The following CTNNA2 variants were observed in gnomAD, a reference collection of about 807,000 sequenced individuals.
CTNNA2 encodes the protein catenin alpha 2.
CTNNA2 carries 42 observed loss-of-function variants against 101.0 expected under a neutral mutation model. The observed-to-expected ratio is 0.42, with a 90% confidence interval of 0.32 to 0.54. The LOEUF is 0.54. Ranked by LOEUF, CTNNA2 falls within the 20% of genes least tolerant of loss-of-function variation. The probability of loss-of-function intolerance (pLI) is 0.14; values close to 1 mark genes in which losing one functional copy is unlikely to be tolerated. For synonymous variants in CTNNA2, 450 were observed against 456.4 expected, an observed-to-expected ratio of 0.99 and a Z score of 0.18; for missense variants, 871 against 1,223.1, an observed-to-expected ratio of 0.71 and a Z score of 4.29.
At chr2:80,004,672 CATTTATTTATTTATTT>C (rs59472149) in intron 7 of CTNNA2, among the ~76,000 whole-genome samples, 79 of 145,662 alleles carry the variant, frequency 5.4e-4, no homozygotes, top group African/African-American at 1.8e-3. Context: ...TTTTATTTTA[CATTTATTTATTTATTT>C]ATTTATTTAT....
chr2:79,991,190 G>A (rs754265052), intron 7 of CTNNA2, among the ~76,000 whole-genome samples: 7 of 151,688 alleles, frequency 4.6e-5, no homozygotes, highest in Admixed American at 1.3e-4. Flanking sequence ...TCTTGCTAGC[G>A]GTCTATAAAT....
intron 2 of CTNNA2, among the ~76,000 whole-genome samples, chr2:79,719,707 T>C (rs1686351477): frequency 6.6e-6 from 1 of 152,214 alleles, no homozygotes; most frequent in Non-Finnish European, 1.5e-5. Context: ...TTTTGAGAAG[T>C]ATCTGTTCAT....
At chr2:79,276,696 C>A (rs1192289932) in intron 2 of CTNNA2, among the ~76,000 whole-genome samples, 1 of 151,746 alleles carries the variant, frequency 6.6e-6, no homozygotes, top group African/African-American at 2.4e-5. Flanking sequence ...CTAAAGTTTT[C>A]TTTGTACTAC....
intron 9 of CTNNA2, among the ~76,000 whole-genome samples, chr2:80,489,496 A>T (rs901933694): frequency 1.3e-5 from 2 of 152,180 alleles, no homozygotes; most frequent in Non-Finnish European, 2.9e-5. Context: ...TCCTGAACAT[A>T]TTAGCCTCAG....
chr2:79,554,134 G>A (rs1000569882), intron 1 of CTNNA2, among the ~76,000 whole-genome samples: 1 of 152,124 alleles, frequency 6.6e-6, no homozygotes, highest in Non-Finnish European at 1.5e-5. Flanking sequence ...TTTAGCCAAG[G>A]TGGATGGAGA....
chr2:80,358,236 C>G (rs1406968987), intron 7 of CTNNA2, among the ~76,000 whole-genome samples: 1 of 151,852 alleles, frequency 6.6e-6, no homozygotes, highest in Admixed American at 6.6e-5. Flanking sequence ...AGTCATTAAC[C>G]ATTGCTTACT....
At chr2:80,466,094 T>G (rs1684828502) in intron 9 of CTNNA2, among the ~76,000 whole-genome samples, 1 of 152,222 alleles carries the variant, frequency 6.6e-6, no homozygotes, top group Non-Finnish European at 1.5e-5. Flanking sequence ...AAGCAACTTG[T>G]TATATGTTCT....
intron 7 of CTNNA2, among the ~76,000 whole-genome samples, chr2:80,391,353 A>G (rs1469754728): frequency 6.6e-6 from 1 of 152,072 alleles, no homozygotes; most frequent in Non-Finnish European, 1.5e-5. Flanking sequence ...AGAGTCTGGC[A>G]TTTACATTCA....
intron 3 of CTNNA2, among the ~76,000 whole-genome samples, chr2:79,811,799 C>G (rs961145824): frequency 6.6e-6 from 1 of 152,122 alleles, no homozygotes; most frequent in Admixed American, 6.6e-5. Context: ...TATAGTCAAT[C>G]TATGGATCTA....
intron 1 of CTNNA2, among the ~76,000 whole-genome samples, chr2:79,196,954 A>G (rs960180221): frequency 1.5e-4 from 23 of 152,222 alleles, no homozygotes; most frequent in Admixed American, 3.9e-4. Flanking sequence ...AAATGGTACC[A>G]TCAGCATCCC....
chr2:79,993,496 G>T (rs1043747158), intron 7 of CTNNA2, among the ~76,000 whole-genome samples: 1 of 152,206 alleles, frequency 6.6e-6, no homozygotes, highest in Non-Finnish European at 1.5e-5. Flanking sequence ...CATCAAAGAT[G>T]CAGTATACAG....
At chr2:79,537,829 C>T (rs1290930452) in intron 1 of CTNNA2, among the ~76,000 whole-genome samples, 2 of 149,712 alleles carry the variant, frequency 1.3e-5, no homozygotes, top group African/African-American at 4.9e-5. Context: ...GTTATGCATA[C>T]AACTTTCCTG....
intron 7 of CTNNA2, among the ~76,000 whole-genome samples, chr2:79,986,603 C>T (rs969758431): frequency 2.6e-5 from 4 of 152,160 alleles, no homozygotes; most frequent in African/African-American, 9.7e-5. Context: ...GGCTAACTTA[C>T]CACTTACACA....
At position 79,369,282 on chromosome 2, in the gene CTNNA2, T is replaced by A. The variant is rs144105105; in HGVS notation, c.-317-4549T>A. Among the ~76,000 whole-genome samples the A allele has an allele frequency of 5.5e-3, 836 of 152,186 alleles. 9 individuals carry two copies. The highest frequency in any genetic ancestry group is 0.019 in the African/African-American group (797 of 41,524). ...GGGAGAACAATTCCAGCCCCAAACT[T>A]CAGATGTCAGCAGAGAACAGTGTGG... On this transcript the variant is annotated intron_variant, in intron 3 of 21. Coordinates refer to the CTNNA2 transcript ENST00000466387.
chr2:79,864,242 C>G (rs1172659365), intron 4 of CTNNA2, among the ~76,000 whole-genome samples: 1 of 152,144 alleles, frequency 6.6e-6, no homozygotes, highest in Non-Finnish European at 1.5e-5. Context: ...AGATTCAGGT[C>G]AGGCAACAGA....
chr2:79,572,172 A>G (rs1199584698), intron 1 of CTNNA2, among the ~76,000 whole-genome samples: 2 of 152,212 alleles, frequency 1.3e-5, no homozygotes, highest in African/African-American at 4.8e-5. Context: ...GTTTTCAAGT[A>G]GTATTCAACC....
rs370493318 is a variant in CTNNA2, at chr2:80,509,241, G to C, written c.1291-35741G>C. ...CATTCTACAGATGCAGAAACTTGAG[G>C]CTCAGGGAAGGCAAGTGATTTGCTG... On this transcript the variant is annotated intron_variant, in intron 9 of 18. Coordinates refer to ENST00000402739, the MANE Select transcript of CTNNA2 (RefSeq NM_001282597.3). 7.3e-4 allele frequency among the ~76,000 whole-genome samples: 111 copies of C among 152,288 alleles called. 1 individual carries two copies. The South Asian group carries it at 0.011, about 15-fold the overall frequency.
At chr2:79,816,486 G>C (rs546435454) in intron 3 of CTNNA2, among the ~76,000 whole-genome samples, 2 of 152,172 alleles carry the variant, frequency 1.3e-5, no homozygotes, top group East Asian at 3.9e-4. Context: ...ACTCACCAAC[G>C]TTTGAAAGAT....
chr2:79,626,631 G>GTA (rs1345493383), intron 1 of CTNNA2, among the ~76,000 whole-genome samples: 7 of 135,422 alleles, frequency 5.2e-5, no homozygotes, highest in Non-Finnish European at 8.4e-5. Context: ...GTGTGTGTGT[G>GTA]TGTGTGTGTG....
Sources: allele counts gnomAD v4.1 joint callset (sites outside exome capture counted in the v4.1 genomes callset), GRCh38; gene constraint gnomAD v4.1.1; transcripts MANE v1.5; gene names NCBI Gene and HGNC (gene_info 2026-07-23, HGNC 2026-07-21).